Variants in CUX1 observed in about 807,000 individuals in gnomAD.
CUX1 encodes the protein protein CASP.
A neutral mutation model predicts 158.8 loss-of-function variants in CUX1; 31 were observed. That is an observed-to-expected ratio of 0.20 (90% CI 0.15 to 0.26). The LOEUF is 0.26. CUX1 is among the 10% of genes least tolerant of loss of function. CUX1 has a pLI of 1.00. For missense variants in CUX1, 1,589 were observed against 2,014.6 expected, an observed-to-expected ratio of 0.79 and a Z score of 4.04; for synonymous variants, 879 against 862.1, an observed-to-expected ratio of 1.02 and a Z score of -0.34.
intron 7 of CUX1, among the ~76,000 whole-genome samples, chr7:102,113,322 T>C (rs1285880010): frequency 2.0e-5 from 3 of 152,038 alleles, no homozygotes; most frequent in Non-Finnish European, 4.4e-5. Flanking sequence ...CACTGCAACC[T>C]CTGCTCCCCG....
At chr7:102,203,064 T>C (rs1307944047) in intron 18 of CUX1, among the ~76,000 whole-genome samples, 1 of 152,128 alleles carries the variant, frequency 6.6e-6, no homozygotes, top group African/African-American at 2.4e-5. Context: ...CCTCCTGGGT[T>C]CAAGCGATTC....
At chr7:101,910,879 T>C (rs1803358266) in intron 1 of CUX1, among the ~76,000 whole-genome samples, 1 of 152,246 alleles carries the variant, frequency 6.6e-6, no homozygotes, top group Non-Finnish European at 1.5e-5. Context: ...ATTTTGTTTT[T>C]AATAACATCT....
Position 102,234,118 on chromosome 7 carries a change from G to T in CUX1, c.3500G>T (p.Arg1167Leu). 1 of 1,596,602 alleles carries T rather than the reference G, an allele frequency of 6.3e-7. No individual in the cohort carries two copies. ...TQGSVSDLLA[R>L]PKPWHKLSLK... ...GGCTCTGTCTCTGACCTCCTTGCCC[G>T]CCCCAAACCCTGGCATAAGCTCAGT... Residue 1167 changes from arginine to leucine, a missense_variant, in exon 22 of 24, where the codon CGC (arginine) becomes CTC (leucine). By Grantham distance (102) the Arg-to-Leu change is moderately radical. Transcript: ENST00000292535.
At chr7:101,868,297 C>G (rs1798132748) in intron 1 of CUX1, among the ~76,000 whole-genome samples, 1 of 152,196 alleles carries the variant, frequency 6.6e-6, no homozygotes. Context: ...CCCTTTACGG[C>G]ACCTGTGTAG....
Position 102,248,522 on chromosome 7 carries a change from C to T in CUX1, c.3998C>T (p.Ser1333Leu). ...SARSGRAAPSSEGDSCDGVEA... is the reference protein window; with the variant it reads ...SARSGRAAPSLEGDSCDGVEA... ...CGCAGCGGCCGGGCGGCGCCCAGCT[C>T]GGAGGGCGACAGCTGCGACGGCGTG... is the stretch of plus-strand genomic sequence containing the variant. Residue 1333 changes from serine to leucine, a missense_variant, in exon 24 of 24, where the codon TCG (serine) becomes TTG (leucine). Physicochemically the swap from Ser to Leu is moderately radical, Grantham distance 145. This residue lies in a region of CUX1 where 344 missense variants were observed against 323.7 expected (regional missense o/e 1.06). Transcript: ENST00000292535. The surrounding 1 kb of genome is among the most constrained non-coding windows in gnomAD (Gnocchi z 5.8). The T allele has an allele frequency of 6.5e-7, 1 of 1,533,232 alleles. No individual in the cohort carries two copies. The highest frequency in any genetic ancestry group is 8.7e-7 in the Non-Finnish European group (1 of 1,143,562). 95.0% of individuals were successfully genotyped at this position (1,533,232 alleles called of 1,614,324 possible). A position where few individuals can be genotyped will look rare whatever the true frequency, so the allele number is the denominator to read the frequency against.
At chr7:101,979,047 G>A (rs753227015) in intron 2 of CUX1, among the ~76,000 whole-genome samples, 1 of 152,198 alleles carries the variant, frequency 6.6e-6, no homozygotes. Flanking sequence ...GGTGTTAACC[G>A]CCTGGTGCCT....
intron 1 of CUX1, among the ~76,000 whole-genome samples, chr7:101,914,607 T>C (rs1332899568): frequency 6.6e-6 from 1 of 151,776 alleles, no homozygotes; most frequent in African/African-American, 2.4e-5. Context: ...CAAGCGATTC[T>C]CTTGCCTCAG....
chr7:102,235,227 C>T (rs1476838744), intron 22 of CUX1, among the ~76,000 whole-genome samples: 1 of 152,214 alleles, frequency 6.6e-6, no homozygotes, highest in Non-Finnish European at 1.5e-5. Context: ...CGCTGGTCCT[C>T]GCCAGTGAGT....
At chr7:102,234,763 A>C (rs1200806028) in intron 22 of CUX1, among the ~76,000 whole-genome samples, 1 of 151,502 alleles carries the variant, frequency 6.6e-6, no homozygotes, top group Non-Finnish European at 1.5e-5. Flanking sequence ...CTACTAAAAA[A>C]AAAAAAAAAA....
chr7:102,107,913 G>C (rs1488850413), intron 6 of CUX1, among the ~76,000 whole-genome samples: 1 of 152,228 alleles, frequency 6.6e-6, no homozygotes, highest in Non-Finnish European at 1.5e-5. Flanking sequence ...CATCGTCCCT[G>C]GGGGAGCGCG....
chr7:101,871,955 T>A (rs1349844389), intron 1 of CUX1, among the ~76,000 whole-genome samples: 1 of 148,248 alleles, frequency 6.7e-6, no homozygotes, highest in Non-Finnish European at 1.5e-5. Flanking sequence ...GAAGTGGAGG[T>A]TGCAGTGAGC....
chr7:102,019,984 A>G (rs1000262628), intron 2 of CUX1, among the ~76,000 whole-genome samples: 2 of 152,150 alleles, frequency 1.3e-5, no homozygotes, highest in Non-Finnish European at 1.5e-5. Context: ...AAAATCAGCC[A>G]TTGTAGAAAA....
rs80133536 is a variant in CUX1 at position 102,181,856 on chromosome 7, G to A, written c.1017+3199G>A. 1.5e-3 allele frequency among the ~76,000 whole-genome samples: 227 copies of A among 152,260 alleles called. 6 individuals carry two copies. The East Asian group carries it at 0.043, about 29-fold the overall frequency. On this transcript the variant is annotated intron_variant, in intron 11 of 23. Transcript: ENST00000292535. ...GAGGGCTTTTTGTTTTTCCTAATGTGTATAATGTATAGCCTCAAATATAAC... is the reference window on the plus strand; with the variant it reads ...GAGGGCTTTTTGTTTTTCCTAATGTATATAATGTATAGCCTCAAATATAAC...
At chr7:102,264,327 T>C (rs566356921) in intron 14 of CUX1, among the ~76,000 whole-genome samples, 1 of 152,252 alleles carries the variant, frequency 6.6e-6, no homozygotes, top group East Asian at 1.9e-4. Context: ...TTCTAAACAG[T>C]ACTGGCAGAG....
At chr7:102,243,654 AAT>A (rs1444055964) in intron 23 of CUX1, among the ~76,000 whole-genome samples, 9 of 142,216 alleles carry the variant, frequency 6.3e-5, no homozygotes, top group Admixed American at 5.8e-4. Context: ...TAATAATAAT[AAT>A]AATAATAATA....
At position 102,252,737 on chromosome 7, in the gene CUX1, C is replaced by A. The variant is rs1801648366; in HGVS notation, c.*3695C>A. ...AGGAGTCTTCTGTCCTCCTCCCCAA[C>A]CCCCGAGCTCCCTGGTAACCTCCTC... On this transcript the variant is annotated 3_prime_UTR_variant, in exon 24 of 24. Coordinates refer to ENST00000292535, the MANE Select transcript of CUX1 (RefSeq NM_181552.4). 1 of 985,442 alleles carries A rather than the reference C, an allele frequency of 1.0e-6. No individual in the cohort carries two copies. The highest frequency in any genetic ancestry group is 1.2e-6 in the Non-Finnish European group (1 of 830,018). 61.0% of individuals were successfully genotyped at this position (985,442 alleles called of 1,614,324 possible). A position where few individuals can be genotyped will look rare whatever the true frequency, so the allele number is the denominator to read the frequency against.
intron 4 of CUX1, among the ~76,000 whole-genome samples, chr7:102,071,607 T>C (rs1826143850): frequency 6.6e-6 from 1 of 152,142 alleles, no homozygotes; most frequent in African/African-American, 2.4e-5. Flanking sequence ...TCTCTGAATA[T>C]CATTGACATC....
intron 1 of CUX1, among the ~76,000 whole-genome samples, chr7:101,905,766 C>T (rs764422722): frequency 6.6e-6 from 1 of 152,212 alleles, no homozygotes; most frequent in Non-Finnish European, 1.5e-5. Flanking sequence ...CCTGAACACG[C>T]AGTGTTTCTT....
At chr7:102,128,331 C>T (rs1832868463) in intron 8 of CUX1, among the ~76,000 whole-genome samples, 1 of 152,170 alleles carries the variant, frequency 6.6e-6, no homozygotes, top group Admixed American at 6.6e-5. Context: ...GAGACCCTGA[C>T]TCTGGTCCCA....
Sources: gnomAD v4.1 joint callset for allele counts (sites outside exome capture counted in the v4.1 genomes callset) on GRCh38, gnomAD v4.1.1 for gene constraint, gnomAD v4.1.1 regional missense constraint, Gnocchi (gnomAD v3.1) non-coding constraint, MANE v1.5 for transcripts, NCBI Gene and HGNC (gene_info 2026-07-23, HGNC 2026-07-21) for gene names.